FOXP1: variants seen among roughly 807,000 people sequenced by gnomAD.
FOXP1 encodes forkhead box protein P1.
A neutral mutation model predicts 98.2 loss-of-function variants in FOXP1; 15 were observed. That is an observed-to-expected ratio of 0.15 (90% CI 0.10 to 0.24). The LOEUF (loss-of-function observed/expected upper bound fraction) is 0.24, where lower values mean the gene tolerates loss of function less well. FOXP1 is among the 10% of genes least tolerant of loss of function. The probability of loss-of-function intolerance (pLI) is 1.00; values close to 1 mark genes in which losing one functional copy is unlikely to be tolerated. For synonymous variants in FOXP1, 371 were observed against 314.5 expected (o/e 1.18, Z -1.90); for missense variants, 633 against 848.5 (o/e 0.75, Z 3.15).
intron 5 of FOXP1, among the ~76,000 whole-genome samples, chr3:71,299,391 G>A (rs1344844251): frequency 6.6e-6 from 1 of 152,140 alleles, no homozygotes; most frequent in African/African-American, 2.4e-5. Flanking sequence ...GAAAGAAGGT[G>A]ATTATAAAGC....
intron 13 of FOXP1, among the ~76,000 whole-genome samples, chr3:70,989,492 T>G: frequency 6.6e-6 from 1 of 152,116 alleles, no homozygotes; most frequent in East Asian, 1.9e-4. Flanking sequence ...ACTAAAAGAT[T>G]CTCTGAACAC....
At chr3:70,971,714 T>G in intron 18 of FOXP1, 1 of 268,398 alleles carries the variant, frequency 3.7e-6, no homozygotes, top group Non-Finnish European at 6.9e-6. Context: ...TTACTTGGGG[T>G]GGGGAGAGAG....
At chr3:71,237,497 C>G (rs943751015) in intron 5 of FOXP1, among the ~76,000 whole-genome samples, 3 of 152,136 alleles carry the variant, frequency 2.0e-5, no homozygotes, top group African/African-American at 7.2e-5. Flanking sequence ...GGACTAGAAG[C>G]ATTTCAAGAT....
At position 71,486,914 on chromosome 3, in the gene FOXP1, T is replaced by G. The variant is rs573138617; in HGVS notation, c.-168+6512A>C. 7.9e-5 allele frequency among the ~76,000 whole-genome samples: 12 copies of G among 152,290 alleles called. No individual in the cohort carries two copies. In the South Asian group the frequency reaches 1.0e-3, roughly 13 times the overall value. On this transcript the variant is annotated intron_variant, in intron 3 of 20. Transcript: ENST00000649528. Reference sequence around the variant, plus strand: ...GCCTTCCTCCCTGGTACAGCTTGCTTTGGTGTATTGATAAGAAGTAAGATT... The same window carrying G: ...GCCTTCCTCCCTGGTACAGCTTGCTGTGGTGTATTGATAAGAAGTAAGATT...
At chr3:71,427,792 G>A (rs1431522257) in intron 3 of FOXP1, among the ~76,000 whole-genome samples, 1 of 152,168 alleles carries the variant, frequency 6.6e-6, no homozygotes, top group African/African-American at 2.4e-5. Flanking sequence ...TGAATGACTG[G>A]ACAGATGAGG....
intron 3 of FOXP1, among the ~76,000 whole-genome samples, chr3:71,374,724 T>C (rs2079593639): frequency 6.6e-6 from 1 of 152,238 alleles, no homozygotes; most frequent in African/African-American, 2.4e-5. Flanking sequence ...ACTATGCCTG[T>C]CCCAGTGTAT....
chr3:71,152,413 T>C (rs1439354103), intron 6 of FOXP1, among the ~76,000 whole-genome samples: 1 of 152,320 alleles, frequency 6.6e-6, no homozygotes, highest in East Asian at 1.9e-4. Flanking sequence ...AGATATGTGT[T>C]GTTTGAAGCT....
At chr3:71,306,138 C>T (rs2074255194) in intron 4 of FOXP1, 1 of 152,182 alleles carries the variant, frequency 6.6e-6, no homozygotes, top group Non-Finnish European at 1.5e-5. Flanking sequence ...GAATAACTGG[C>T]TCAATCAGAC....
intron 5 of FOXP1, among the ~76,000 whole-genome samples, chr3:71,234,615 G>T (rs550234369): frequency 6.6e-6 from 1 of 152,200 alleles, no homozygotes; most frequent in Non-Finnish European, 1.5e-5. Context: ...CCTCTCTGAG[G>T]TGTCTGCAAA....
At chr3:71,562,691 G>A (rs1442113924) in intron 2 of FOXP1, among the ~76,000 whole-genome samples, 1 of 152,130 alleles carries the variant, frequency 6.6e-6, no homozygotes. Context: ...TTGACCCAAG[G>A]TCACCCAAAT....
chr3:70,967,710 GTTTTTTTTT>G (rs756777959), intron 19 of FOXP1, among the ~76,000 whole-genome samples: 2 of 68,872 alleles, frequency 2.9e-5, no homozygotes, highest in Non-Finnish European at 5.3e-5. Context: ...GTTTTTTTTT[GTTTTTTTTT>G]TTTTTTTTTG....
chr3:71,182,498 A>ATGTGTGTGTG (rs201607064), intron 6 of FOXP1, among the ~76,000 whole-genome samples: 1 of 120,024 alleles, frequency 8.3e-6, no homozygotes, highest in East Asian at 2.2e-4. Context: ...TGTAAACTAT[A>ATGTGTGTGTG]TATATGTGTG....
chr3:71,015,448 G>A, intron 12 of FOXP1, 101 bp downstream of exon 12: 2 of 729,316 alleles, frequency 2.7e-6, no homozygotes, highest in Non-Finnish European at 4.9e-6. Context: ...TCAAAGGGGT[G>A]AGGTGAAACT....
At chr3:71,484,169 A>G (rs1437548910) in intron 3 of FOXP1, among the ~76,000 whole-genome samples, 1 of 152,234 alleles carries the variant, frequency 6.6e-6, no homozygotes, top group African/African-American at 2.4e-5. Flanking sequence ...TAGTCTGATT[A>G]TAACAGCGTG....
intron 3 of FOXP1, among the ~76,000 whole-genome samples, chr3:71,482,311 T>C (rs1373532945): frequency 6.6e-6 from 1 of 151,976 alleles, no homozygotes; most frequent in East Asian, 1.9e-4. Flanking sequence ...CTTGAAGTGC[T>C]AAGTTTATTT....
At chr3:71,578,344 T>C (rs1396091324) in intron 2 of FOXP1, among the ~76,000 whole-genome samples, 1 of 152,210 alleles carries the variant, frequency 6.6e-6, no homozygotes, top group Non-Finnish European at 1.5e-5. Flanking sequence ...AAATTTATAC[T>C]ATGTTCTGAC....
intron 2 of FOXP1, among the ~76,000 whole-genome samples, chr3:71,535,994 G>GTGAC (rs2044261126): frequency 6.6e-6 from 1 of 152,174 alleles, no homozygotes; most frequent in Non-Finnish European, 1.5e-5. Context: ...GAGATCAAGG[G>GTGAC]TGACCCTTGG....
chr3:71,579,341 G>C (rs2047967095), intron 2 of FOXP1, among the ~76,000 whole-genome samples: 3 of 152,092 alleles, frequency 2.0e-5, no homozygotes, highest in Non-Finnish European at 4.4e-5. Context: ...AATTTGAATA[G>C]TTGATGTTTC....
chr3:71,335,084 A>AC (rs752604933), intron 4 of FOXP1: 16 of 152,090 alleles, frequency 1.1e-4, no homozygotes, highest in Non-Finnish European at 1.6e-4. Context: ...ACCTAGTGAG[A>AC]CCCCACCTCT....
Sources: allele counts gnomAD v4.1 joint callset (sites outside exome capture counted in the v4.1 genomes callset), GRCh38; gene constraint gnomAD v4.1.1; transcripts MANE v1.5; gene names NCBI Gene and HGNC (gene_info 2026-07-23, HGNC 2026-07-21).